ZNF148: variants seen among roughly 807,000 people sequenced by gnomAD.
ZNF148 encodes the protein zinc finger protein 148.
A neutral mutation model predicts 67.7 loss-of-function variants in ZNF148; 7 were observed. That is an observed-to-expected ratio of 0.10 (90% CI 0.06 to 0.19). The LOEUF (loss-of-function observed/expected upper bound fraction) is 0.19, where lower values mean the gene tolerates loss of function less well. Among genes scored for constraint, ZNF148 ranks in the 10% least tolerant of loss-of-function variants. The probability of loss-of-function intolerance (pLI) is 1.00; values close to 1 mark genes in which losing one functional copy is unlikely to be tolerated. For missense variants in ZNF148, 583 were observed against 947.1 expected, an observed-to-expected ratio of 0.62 and a Z score of 5.05; for synonymous variants, 333 against 330.7, an observed-to-expected ratio of 1.01 and a Z score of -0.08.
At chr3:125,277,606 C>G (rs1445712538) in intron 7 of ZNF148, 120 bp downstream of exon 7, 7 of 743,198 alleles carry the variant, frequency 9.4e-6, no homozygotes, top group Non-Finnish European at 1.5e-5. Context: ...AAAAAGATAA[C>G]CTGTGATTTA....
intron 1 of ZNF148, among the ~76,000 whole-genome samples, chr3:125,374,876 C>G (rs1180282446): frequency 6.6e-6 from 1 of 151,554 alleles, no homozygotes; most frequent in African/African-American, 2.4e-5. Flanking sequence ...CCGTCATTAT[C>G]CCTCCTCAAC....
intron 4 of ZNF148, among the ~76,000 whole-genome samples, chr3:125,301,420 G>A (rs1490000626): frequency 6.6e-6 from 1 of 152,148 alleles, no homozygotes; most frequent in Non-Finnish European, 1.5e-5. Flanking sequence ...GACTTAGAGA[G>A]CCAAAATAAA....
rs897639347 is a variant in ZNF148 at position 125,226,329 on chromosome 3, C to T, written c.*6012G>A. Reference sequence around the variant, plus strand: ...CATATTTACCATTCGTTATTTGGTTCAGAATATTGTGAAAAATTCAGCTCG... The same window carrying T: ...CATATTTACCATTCGTTATTTGGTTTAGAATATTGTGAAAAATTCAGCTCG... On this transcript the variant is annotated 3_prime_UTR_variant, in exon 9 of 9. Coordinates refer to ENST00000360647, the MANE Select transcript of ZNF148 (RefSeq NM_021964.3). The T allele has an allele frequency of 1.1e-3, 175 of 152,376 alleles. 1 individual carries two copies. Among genetic ancestry groups the T allele is most frequent in the African/African-American group, 4.0e-3 (165 of 41,536 alleles). The allele number at this position is 152,376 out of a possible 1,614,324, so 9.4% of individuals were successfully genotyped here.
intron 1 of ZNF148, among the ~76,000 whole-genome samples, chr3:125,364,862 C>G (rs1460249263): frequency 6.6e-6 from 1 of 152,168 alleles, no homozygotes; most frequent in African/African-American, 2.4e-5. Flanking sequence ...CTGCCTACTT[C>G]CCAGCTTTAT....
intron 4 of ZNF148, among the ~76,000 whole-genome samples, chr3:125,289,686 G>C (rs1044759219): frequency 6.6e-6 from 1 of 152,096 alleles, no homozygotes; most frequent in African/African-American, 2.4e-5. Flanking sequence ...TTTTGAAGGA[G>C]TACCAAAAAG....
intron 7 of ZNF148, among the ~76,000 whole-genome samples, chr3:125,239,887 G>A (rs1471464264): frequency 1.3e-5 from 2 of 152,190 alleles, no homozygotes; most frequent in Non-Finnish European, 2.9e-5. Context: ...CAAATCCACA[G>A]TGACAGAAAG....
chr3:125,321,998 A>G (rs1014400625), intron 3 of ZNF148, among the ~76,000 whole-genome samples: 2 of 151,608 alleles, frequency 1.3e-5, no homozygotes, highest in Non-Finnish European at 2.9e-5. Context: ...AACAACAACA[A>G]AAAAGTTAAC....
At chr3:125,275,047 G>GT (rs1937974299) in intron 7 of ZNF148, among the ~76,000 whole-genome samples, 1 of 152,118 alleles carries the variant, frequency 6.6e-6, no homozygotes, top group Non-Finnish European at 1.5e-5. Flanking sequence ...CCTATTTGTG[G>GT]TTCTAGATAT....
intron 4 of ZNF148, among the ~76,000 whole-genome samples, chr3:125,302,061 T>A (rs2107651467): frequency 6.7e-6 from 1 of 150,084 alleles, no homozygotes; most frequent in Middle Eastern, 3.5e-3. Context: ...CGAGACTCCA[T>A]CTCAAAAAAA....
At chr3:125,261,416 T>C (rs903450750) in intron 7 of ZNF148, among the ~76,000 whole-genome samples, 2 of 152,162 alleles carry the variant, frequency 1.3e-5, no homozygotes, top group Non-Finnish European at 2.9e-5. Context: ...GATCATTAAA[T>C]TTACTTATGG....
intron 3 of ZNF148, among the ~76,000 whole-genome samples, chr3:125,315,321 A>G (rs942133623): frequency 6.6e-6 from 1 of 152,168 alleles, no homozygotes; most frequent in Non-Finnish European, 1.5e-5. Context: ...GAAGAGATCA[A>G]TAAACTGACA....
At position 125,229,168 on chromosome 3, in the gene ZNF148, G is replaced by T. The variant is rs550900233; in HGVS notation, c.*3173C>A. 1.3e-5 allele frequency: 2 copies of T among 149,872 alleles called. No individual in the cohort carries two copies. Among genetic ancestry groups the T allele is most frequent in the African/African-American group, 4.9e-5 (2 of 40,794 alleles). 9.3% of individuals were successfully genotyped at this position (149,872 alleles called of 1,614,324 possible). On this transcript the variant is annotated 3_prime_UTR_variant, in exon 9 of 9. Transcript: ENST00000360647. ...AGTTTAAAATGTTCTAAGAAATGCA[G>T]TACTACAGTAATGCCTACTTTTAAA...
intron 7 of ZNF148, among the ~76,000 whole-genome samples, chr3:125,243,269 T>C (rs966364954): frequency 1.3e-5 from 2 of 152,230 alleles, no homozygotes; most frequent in Non-Finnish European, 2.9e-5. Flanking sequence ...TGTTTTCTTC[T>C]GTTATATCTT....
In ZNF148 at chr3:125,229,775, A is replaced by G. The variant is rs1163302766; in HGVS notation, c.*2566T>C. On this transcript the variant is annotated 3_prime_UTR_variant, in exon 9 of 9. Coordinates refer to ENST00000360647, the MANE Select transcript of ZNF148 (RefSeq NM_021964.3). ...CACAAGGCTACTTATTTTCTCCATT[A>G]ATGCCCAGATAGAAATTAAATAACC... The G allele has an allele frequency of 6.6e-6, 1 of 152,182 alleles. No individual in the cohort carries two copies. Among genetic ancestry groups the G allele is most frequent in the African/African-American group, 2.4e-5 (1 of 41,446 alleles). 9.4% of individuals were successfully genotyped at this position (152,182 alleles called of 1,614,324 possible). A position where few individuals can be genotyped will look rare whatever the true frequency, so the allele number is the denominator to read the frequency against.
chr3:125,335,062 C>A (rs1941435203), intron 1 of ZNF148, among the ~76,000 whole-genome samples: 1 of 126,628 alleles, frequency 7.9e-6, no homozygotes, highest in Non-Finnish European at 1.7e-5. Context: ...CAACATCCCA[C>A]CACATACACT....
At chr3:125,316,404 T>A (rs940098115) in intron 3 of ZNF148, among the ~76,000 whole-genome samples, 10 of 152,210 alleles carry the variant, frequency 6.6e-5, no homozygotes, top group African/African-American at 2.4e-4. Context: ...AATTTTTAGT[T>A]TTTTGAGGAA....
intron 7 of ZNF148, among the ~76,000 whole-genome samples, chr3:125,236,209 T>C (rs1936083471): frequency 6.6e-6 from 1 of 152,166 alleles, no homozygotes; most frequent in South Asian, 2.1e-4. Context: ...TAGTTCAAAG[T>C]ACCTTACACA....
intron 5 of ZNF148, among the ~76,000 whole-genome samples, chr3:125,284,448 T>C (rs904277675): frequency 5.3e-5 from 8 of 152,018 alleles, no homozygotes; most frequent in African/African-American, 1.2e-4. Flanking sequence ...CACCAAGGAA[T>C]GAGAAGTGAA....
intron 4 of ZNF148, among the ~76,000 whole-genome samples, chr3:125,290,613 G>A (rs1012012975): frequency 6.6e-6 from 1 of 152,058 alleles, no homozygotes; most frequent in African/African-American, 2.4e-5. Flanking sequence ...CAGCTATTAA[G>A]TGCCTGCTCT....
Sources: allele counts gnomAD v4.1 joint callset (sites outside exome capture counted in the v4.1 genomes callset), GRCh38; gene constraint gnomAD v4.1.1; transcripts MANE v1.5; gene names NCBI Gene and HGNC (gene_info 2026-07-23, HGNC 2026-07-21).